The following CPS1 variants were observed in gnomAD, a reference collection of about 807,000 sequenced individuals.
CPS1 encodes the protein carbamoyl-phosphate synthase [ammonia], mitochondrial.
Under a neutral mutation model 174.6 loss-of-function variants are expected in CPS1, and 109 were observed. That is an observed-to-expected ratio of 0.62 (90% CI 0.53 to 0.73). CPS1 has a LOEUF of 0.73. CPS1 is among the 30% of genes least tolerant of loss of function. CPS1 has a pLI of 0.00. For missense variants in CPS1, 1,689 were observed against 1,821.9 expected, an observed-to-expected ratio of 0.93 and a Z score of 1.33; for synonymous variants, 637 against 632.0, an observed-to-expected ratio of 1.01 and a Z score of -0.12.
chr2:210,626,134 A>G (rs188688463), intron 21 of CPS1, among the ~76,000 whole-genome samples: 12 of 152,254 alleles, frequency 7.9e-5, no homozygotes, highest in African/African-American at 2.6e-4. Flanking sequence ...GTTAATTTGT[A>G]TGAATGCAGA....
At chr2:210,532,360 G>A (rs904685502) in intron 1 of CPS1, among the ~76,000 whole-genome samples, 1 of 152,102 alleles carries the variant, frequency 6.6e-6, no homozygotes, top group Non-Finnish European at 1.5e-5. Flanking sequence ...TTATTCTGAA[G>A]AATGAAGAGA....
At chr2:210,515,667 TG>T (rs1294317283) in intron 1 of CPS1, among the ~76,000 whole-genome samples, 1 of 151,838 alleles carries the variant, frequency 6.6e-6, no homozygotes, top group Non-Finnish European at 1.5e-5. Context: ...GTTTTGTTGA[TG>T]TTTTTTGTAT....
intron 1 of CPS1, among the ~76,000 whole-genome samples, chr2:210,498,003 C>T (rs912955132): frequency 6.7e-6 from 1 of 149,806 alleles, no homozygotes. Context: ...CTGCTTTCCA[C>T]AGTGGCTGAG....
intron 1 of CPS1, among the ~76,000 whole-genome samples, chr2:210,497,918 A>ATATATATATC (rs970136471): frequency 4.9e-5 from 7 of 142,192 alleles, no homozygotes; most frequent in Admixed American, 2.8e-4. Flanking sequence ...ATATATATAT[A>ATATATATATC]TCTCCAGTAA....
At chr2:210,677,228 C>A in intron 37 of CPS1, 92 bp downstream of exon 37, 1 of 1,264,376 alleles carries the variant, frequency 7.9e-7, no homozygotes, top group Non-Finnish European at 1.2e-6. Context: ...TCTCTCTTTT[C>A]CCCTCTTTGT....
chr2:210,576,300 A>G lies in CPS1; in HGVS notation c.237-46A>G, dbSNP rs1574543659. The G allele has an allele frequency of 1.9e-6, 3 of 1,596,170 alleles. No homozygotes were observed. In the East Asian group the frequency reaches 6.7e-5, roughly 36 times the overall value. On this transcript the variant is annotated intron_variant, in intron 2 of 37. Transcript: ENST00000233072. Reference sequence around the variant, plus strand: ...GCATGTATGCAGATTATAGCTTTGTAGTTACATACATTATTTGCTGATAAT... The same window carrying G: ...GCATGTATGCAGATTATAGCTTTGTGGTTACATACATTATTTGCTGATAAT...
At chr2:210,582,803 C>T (rs1697969326) in intron 6 of CPS1, 94 bp downstream of exon 6, 5 of 951,710 alleles carry the variant, frequency 5.3e-6, no homozygotes, top group Non-Finnish European at 8.5e-6. Context: ...AGTTTATCTT[C>T]CAGAAGCACC....
intron 15 of CPS1, 35 bp from the exon 16 acceptor site, chr2:210,602,167 C>T (rs1220138777): frequency 6.2e-7 from 1 of 1,610,842 alleles, no homozygotes; most frequent in Non-Finnish European, 8.5e-7. Context: ...GTGTGCTCAG[C>T]TTTTAAAATG....
intron 4 of CPS1, among the ~76,000 whole-genome samples, chr2:210,578,464 A>G (rs1280516913): frequency 6.6e-6 from 1 of 152,152 alleles, no homozygotes; most frequent in Non-Finnish European, 1.5e-5. Flanking sequence ...TTTGGATGTT[A>G]GAAGTACTTA....
intron 18 of CPS1, 59 bp downstream of exon 18, chr2:210,607,000 T>C (rs1382091889): frequency 5.3e-6 from 8 of 1,495,490 alleles, no homozygotes; most frequent in African/African-American, 2.8e-5. Context: ...AAATGAAAAA[T>C]TGACAGATAG....
intron 1 of CPS1, among the ~76,000 whole-genome samples, chr2:210,493,296 G>A (rs1211668617): frequency 2.0e-5 from 3 of 152,152 alleles, no homozygotes. Flanking sequence ...TAAATGATGA[G>A]TTCATTGGAC....
chr2:210,604,230 T>C (rs530118611), intron 16 of CPS1, among the ~76,000 whole-genome samples: 2 of 152,026 alleles, frequency 1.3e-5, no homozygotes, highest in East Asian at 3.9e-4. Flanking sequence ...AAAAATCCTA[T>C]TAAGGCACAT....
chr2:210,548,670 C>T (rs1248145108), intron 1 of CPS1, among the ~76,000 whole-genome samples: 1 of 151,944 alleles, frequency 6.6e-6, no homozygotes, highest in Non-Finnish European at 1.5e-5. Context: ...CCTTCTTCAT[C>T]TCCTTCTTGT....
chr2:210,536,320 CTTTTT>C (rs1440042501), intron 1 of CPS1, among the ~76,000 whole-genome samples: 1 of 125,192 alleles, frequency 8.0e-6, no homozygotes, highest in Non-Finnish European at 1.7e-5. Flanking sequence ...TGTTTAGGTA[CTTTTT>C]TTTTTTTTTT....
At chr2:210,589,861 GC>G (rs1473242451) in intron 7 of CPS1, among the ~76,000 whole-genome samples, 3 of 151,582 alleles carry the variant, frequency 2.0e-5, no homozygotes, top group African/African-American at 7.3e-5. Flanking sequence ...TGTTTCCCAG[GC>G]TAGTCTTGAC....
chr2:210,590,040 T>A, intron 7 of CPS1, 66 bp from the exon 8 acceptor site: 1 of 1,601,720 alleles, frequency 6.2e-7, no homozygotes, highest in African/African-American at 1.3e-5. Context: ...AGAGAAAGTC[T>A]AGCAAAATTA....
chr2:210,521,260 A>G (rs1325387820), intron 1 of CPS1, among the ~76,000 whole-genome samples: 1 of 151,904 alleles, frequency 6.6e-6, no homozygotes, highest in Non-Finnish European at 1.5e-5. Context: ...TAGTAGTTTA[A>G]ATATGTTTAT....
At chr2:210,553,264 A>G (rs879403912), upstream of CPS1, among the ~76,000 whole-genome samples, 6 of 152,000 alleles carry the variant, frequency 3.9e-5, no homozygotes, top group Non-Finnish European at 5.9e-5. Flanking sequence ...TAGTGTTAAC[A>G]GAGATTATGT....
At chr2:210,534,487 G>A (rs1696196434) in intron 1 of CPS1, among the ~76,000 whole-genome samples, 1 of 152,178 alleles carries the variant, frequency 6.6e-6, no homozygotes, top group South Asian at 2.1e-4. Context: ...TCCCACTGTG[G>A]CAGTTATCGG....
Sources: gnomAD v4.1 joint callset for allele counts (sites outside exome capture counted in the v4.1 genomes callset) on GRCh38, gnomAD v4.1.1 for gene constraint, MANE v1.5 for transcripts, NCBI Gene and HGNC (gene_info 2026-07-23, HGNC 2026-07-21) for gene names.